CATSPER3: variants seen among roughly 807,000 people sequenced by gnomAD.
The protein encoded by CATSPER3 is cation channel sperm-associated protein 3.
A neutral mutation model predicts 36.6 loss-of-function variants in CATSPER3; 23 were observed. That is an observed-to-expected ratio of 0.63 (90% CI 0.45 to 0.89). The LOEUF (loss-of-function observed/expected upper bound fraction) is 0.89. Ranked by LOEUF, CATSPER3 falls within the 40% of genes least tolerant of loss-of-function variation. The probability of loss-of-function intolerance (pLI) is 0.00; values close to 1 mark genes in which losing one functional copy is unlikely to be tolerated. For missense variants in CATSPER3, 474 were observed against 503.9 expected (o/e 0.94, Z 0.57); for synonymous variants, 172 against 184.1 (o/e 0.93, Z 0.53).
rs190663807 is a variant in CATSPER3 at position 135,009,787 on chromosome 5, T to A, written c.936+297T>A. ...GGGGCCAGGCAATCTGTGCTGAGGC[T>A]TCTTCTTGGGGACTCACTGGATGCC... On this transcript the variant is annotated intron_variant, in intron 6 of 7. Coordinates refer to ENST00000282611, the MANE Select transcript of CATSPER3 (RefSeq NM_178019.3). Among the ~76,000 whole-genome samples, 70 of 152,298 alleles carry A rather than the reference T, an allele frequency of 4.6e-4. 1 individual carries two copies. The highest frequency in any genetic ancestry group is 1.4e-3 in the African/African-American group (60 of 41,546).
chr5:134,976,486 G>A (rs1561457724), intron 2 of CATSPER3, among the ~76,000 whole-genome samples: 1 of 152,226 alleles, frequency 6.6e-6, no homozygotes, highest in African/African-American at 2.4e-5. Context: ...GCTTTGCACA[G>A]TGCACTCCCT....
At position 134,996,176 on chromosome 5, in the gene CATSPER3, T is replaced by C; in HGVS notation, c.253-97T>C. 10 of 1,515,086 alleles carry C rather than the reference T, an allele frequency of 6.6e-6. No individual in the cohort carries two copies. The South Asian group carries it at 7.9e-5, about 12-fold the overall frequency. The allele number at this position is 1,515,086 out of a possible 1,614,324, so 93.9% of individuals were successfully genotyped here. On this transcript the variant is annotated intron_variant, in intron 2 of 7. Transcript: ENST00000282611. The stretch of plus-strand genomic sequence containing the variant: ...TGGGTTTCTCTCTCATGTGGGTGAC[T>C]TAGGAGCACCCCTTCCGGGGCTCAC...
At chr5:134,977,102 A>G (rs901071297) in intron 2 of CATSPER3, among the ~76,000 whole-genome samples, 1 of 152,144 alleles carries the variant, frequency 6.6e-6, no homozygotes, top group African/African-American at 2.4e-5. Flanking sequence ...GGTTATTAGC[A>G]CTTAGCTCCC....
At chr5:134,973,223 T>A (rs1751627256) in intron 2 of CATSPER3, among the ~76,000 whole-genome samples, 1 of 152,198 alleles carries the variant, frequency 6.6e-6, no homozygotes, top group African/African-American at 2.4e-5. Context: ...TTTGTAGAAC[T>A]AATATTAATT....
intron 2 of CATSPER3, among the ~76,000 whole-genome samples, chr5:134,984,949 G>T (rs553353893): frequency 6.6e-6 from 1 of 152,228 alleles, no homozygotes; most frequent in South Asian, 2.1e-4. Context: ...TTCCCGAGTA[G>T]CTGTGATTAC....
intron 2 of CATSPER3, among the ~76,000 whole-genome samples, chr5:134,977,520 C>T (rs900832956): frequency 5.3e-5 from 8 of 152,170 alleles, no homozygotes; most frequent in African/African-American, 1.9e-4. Context: ...GCCTGGGCTT[C>T]ACTGTCCATG....
chr5:135,011,590 G>T lies in CATSPER3; in HGVS notation c.1164G>T (p.Lys388Asn). 1 of 1,614,056 alleles carries T rather than the reference G, an allele frequency of 6.2e-7. No homozygotes were observed. ...TGCTGGAAGACTTGCCCCAGGAGAA[G>T]CCCCAGTCCTTGGAAAAGGTGGATG... ...SLMLEDLPQE[K>N]PQSLEKVDEK The change falls in exon 8 of 8, where the codon AAG (lysine) becomes AAT (asparagine). Residue 388 changes from lysine (K) to asparagine (N), a missense_variant. Physicochemically the swap from Lys to Asn is moderately conservative, Grantham distance 94. Transcript: ENST00000282611.
chr5:135,006,245 T>C (rs982460303), intron 3 of CATSPER3, among the ~76,000 whole-genome samples: 9 of 152,204 alleles, frequency 5.9e-5, no homozygotes, highest in Non-Finnish European at 1.2e-4. Flanking sequence ...GGGTCCTTTA[T>C]GGGGCTCCCA....
chr5:134,992,311 T>C (rs1211493928), intron 2 of CATSPER3, among the ~76,000 whole-genome samples: 1 of 152,090 alleles, frequency 6.6e-6, no homozygotes, highest in Non-Finnish European at 1.5e-5. Context: ...AAAGTAGATA[T>C]TACAAATGGC....
chr5:135,008,213 C>T (rs1350282569), intron 4 of CATSPER3, 74 bp downstream of exon 4: 2 of 1,241,606 alleles, frequency 1.6e-6, no homozygotes, highest in Non-Finnish European at 2.4e-6. Context: ...AGCGTGTGGA[C>T]ATGTGGGGCC....
intron 2 of CATSPER3, among the ~76,000 whole-genome samples, chr5:134,983,228 T>C (rs1248706315): frequency 6.6e-6 from 1 of 152,234 alleles, no homozygotes; most frequent in Non-Finnish European, 1.5e-5. Context: ...TAAATATAAA[T>C]GGATTAAACT....
At chr5:134,976,601 C>G (rs1751678119) in intron 2 of CATSPER3, among the ~76,000 whole-genome samples, 3 of 152,188 alleles carry the variant, frequency 2.0e-5, no homozygotes, top group Admixed American at 1.3e-4. Context: ...GCAGTGGGTC[C>G]CTTCCCAGAG....
chr5:134,978,736 T>C (rs1751712621), intron 2 of CATSPER3, among the ~76,000 whole-genome samples: 1 of 151,966 alleles, frequency 6.6e-6, no homozygotes, highest in South Asian at 2.1e-4. Flanking sequence ...TTTTTTTTTT[T>C]TGAGACAGAG....
intron 2 of CATSPER3, among the ~76,000 whole-genome samples, chr5:134,989,191 C>T (rs988762177): frequency 1.3e-5 from 2 of 152,056 alleles, no homozygotes; most frequent in Admixed American, 6.6e-5. Flanking sequence ...TATTCCATTT[C>T]TAGAGCACAG....
chr5:135,010,294 C>A, intron 6 of CATSPER3, 79 bp from the exon 7 acceptor site: 2 of 1,297,872 alleles, frequency 1.5e-6, no homozygotes, highest in Non-Finnish European at 2.2e-6. Flanking sequence ...TGGGGCCCAT[C>A]CTGGAGAGTC....
intron 1 of CATSPER3, 54 bp from the exon 2 acceptor site, chr5:134,969,884 TG>T: frequency 6.3e-7 from 1 of 1,590,140 alleles, no homozygotes; most frequent in Non-Finnish European, 8.6e-7. Flanking sequence ...ATGCATTTTA[TG>T]GGGATCTAGC....
chr5:134,983,587 G>C (rs796925980), intron 2 of CATSPER3, among the ~76,000 whole-genome samples: 44 of 152,206 alleles, frequency 2.9e-4, no homozygotes, highest in African/African-American at 1.0e-3. Context: ...TGAAAGGATG[G>C]AAAAAGATAT....
chr5:135,007,882 C>A, intron 3 of CATSPER3, 75 bp from the exon 4 acceptor site: 1 of 1,044,868 alleles, frequency 9.6e-7, no homozygotes, highest in Non-Finnish European at 1.4e-6. Flanking sequence ...GTGAACTGGG[C>A]AGAATGGACC....
intron 2 of CATSPER3, among the ~76,000 whole-genome samples, chr5:134,989,944 G>A (rs1028504732): frequency 2.0e-5 from 3 of 152,098 alleles, no homozygotes; most frequent in African/African-American, 7.2e-5. Flanking sequence ...GATCATTGTA[G>A]GGTTATTAAC....
Sources: gnomAD v4.1 joint callset for allele counts (sites outside exome capture counted in the v4.1 genomes callset) on GRCh38, gnomAD v4.1.1 for gene constraint, MANE v1.5 for transcripts, NCBI Gene and HGNC (gene_info 2026-07-23, HGNC 2026-07-21) for gene names.